Variants in NRXN1 observed in about 807,000 individuals in gnomAD.
NRXN1 encodes the protein neurexin-1.
Under a neutral mutation model 150.9 loss-of-function variants are expected in NRXN1, and 39 were observed. The ratio of observed to expected loss-of-function variants is 0.26; its 90% CI spans 0.20 to 0.34. The LOEUF (loss-of-function observed/expected upper bound fraction) is 0.34, where lower values mean the gene tolerates loss of function less well. Among genes scored for constraint, NRXN1 ranks in the 10% least tolerant of loss-of-function variants. NRXN1 has a pLI of 1.00. For missense variants in NRXN1, 1,815 were observed against 1,949.9 expected, an observed-to-expected ratio of 0.93 and a Z score of 1.30; for synonymous variants, 924 against 757.0, an observed-to-expected ratio of 1.22 and a Z score of -3.62.
At chr2:50,598,668 A>ATATATG (rs1491398831) in intron 8 of NRXN1, among the ~76,000 whole-genome samples, 1 of 147,560 alleles carries the variant, frequency 6.8e-6, no homozygotes, top group South Asian at 2.1e-4. Context: ...ATATATATTC[A>ATATATG]TATATATGTG....
At chr2:50,374,234 G>A (rs1314365962) in intron 17 of NRXN1, among the ~76,000 whole-genome samples, 1 of 151,524 alleles carries the variant, frequency 6.6e-6, no homozygotes, top group Admixed American at 6.6e-5. Flanking sequence ...GAAGTTCAAG[G>A]CTGTAGTGAG....
At chr2:50,496,419 C>T (rs1193215380) in intron 14 of NRXN1, among the ~76,000 whole-genome samples, 2 of 152,204 alleles carry the variant, frequency 1.3e-5, no homozygotes, top group Admixed American at 6.5e-5. Flanking sequence ...CCTTTTCTAA[C>T]ACTTAAAATG....
intron 15 of NRXN1, among the ~76,000 whole-genome samples, chr2:50,472,795 T>G (rs1017807605): frequency 1.4e-5 from 2 of 138,564 alleles, no homozygotes; most frequent in African/African-American, 5.8e-5. Context: ...CCCTACAGCC[T>G]TGTGTGTGTG....
intron 17 of NRXN1, among the ~76,000 whole-genome samples, chr2:50,318,739 T>C (rs2075803132): frequency 6.6e-6 from 1 of 152,166 alleles, no homozygotes; most frequent in Admixed American, 6.6e-5. Flanking sequence ...CATTTACTGA[T>C]ACATGCATAT....
At chr2:50,626,953 A>G (rs181850991) in intron 5 of NRXN1, among the ~76,000 whole-genome samples, 187 of 152,014 alleles carry the variant, frequency 1.2e-3, no homozygotes, top group Non-Finnish European at 2.0e-3. Flanking sequence ...TCATGGAAAA[A>G]CAGATATGTA....
chr2:50,073,921 T>C (rs1030521428), intron 19 of NRXN1, among the ~76,000 whole-genome samples: 1 of 152,218 alleles, frequency 6.6e-6, no homozygotes, highest in African/African-American at 2.4e-5. Flanking sequence ...TGGTACTTAA[T>C]AGAGTTTATG....
At chr2:50,610,937 G>C (rs1678013308) in intron 8 of NRXN1, among the ~76,000 whole-genome samples, 1 of 149,686 alleles carries the variant, frequency 6.7e-6, no homozygotes, top group South Asian at 2.1e-4. Flanking sequence ...ATAGAGATGG[G>C]ATTTCACCAT....
intron 5 of NRXN1, among the ~76,000 whole-genome samples, chr2:50,691,762 C>T (rs921177752): frequency 6.6e-5 from 10 of 152,058 alleles, no homozygotes; most frequent in Admixed American, 2.6e-4. Flanking sequence ...CTTCTTGTGG[C>T]CATAACAACC....
intron 21 of NRXN1, among the ~76,000 whole-genome samples, chr2:49,960,417 T>C (rs1011774126): frequency 1.3e-5 from 2 of 152,216 alleles, no homozygotes; most frequent in African/African-American, 4.8e-5. Flanking sequence ...TAAGAGAAGC[T>C]GTACACATAA....
intron 5 of NRXN1, among the ~76,000 whole-genome samples, chr2:50,659,248 T>C (rs1003527376): frequency 1.3e-5 from 2 of 152,066 alleles, no homozygotes; most frequent in Admixed American, 1.3e-4. Flanking sequence ...TTTTATGCAG[T>C]AAACTAGTTC....
intron 21 of NRXN1, among the ~76,000 whole-genome samples, chr2:49,983,094 C>A (rs965333764): frequency 6.6e-6 from 1 of 152,132 alleles, no homozygotes; most frequent in Non-Finnish European, 1.5e-5. Context: ...CTTTCCAAAT[C>A]CTCTAGGAAG....
At chr2:50,261,117 CTCTT>C (rs2068226031) in intron 17 of NRXN1, among the ~76,000 whole-genome samples, 1 of 151,724 alleles carries the variant, frequency 6.6e-6, no homozygotes. Flanking sequence ...AAACTATTAA[CTCTT>C]TCTTCTAAAT....
intron 21 of NRXN1, among the ~76,000 whole-genome samples, chr2:50,003,339 C>G (rs1268918963): frequency 6.6e-6 from 1 of 152,036 alleles, no homozygotes; most frequent in East Asian, 1.9e-4. Flanking sequence ...TTTGGTTATT[C>G]TTGTTAAGTA....
chr2:50,960,008 G>C (rs995617821), intron 2 of NRXN1, among the ~76,000 whole-genome samples: 3 of 151,910 alleles, frequency 2.0e-5, no homozygotes, highest in South Asian at 4.2e-4. Flanking sequence ...AAAATTCTCC[G>C]ATGTTGAAAT....
chr2:50,493,424 C>G (rs1410965805), intron 15 of NRXN1, among the ~76,000 whole-genome samples: 1 of 152,174 alleles, frequency 6.6e-6, no homozygotes, highest in Non-Finnish European at 1.5e-5. Context: ...CTCCACAGCA[C>G]CTAAAAGTGC....
At chr2:50,834,731 A>G (rs1330905729) in intron 5 of NRXN1, among the ~76,000 whole-genome samples, 1 of 152,120 alleles carries the variant, frequency 6.6e-6, no homozygotes, top group Non-Finnish European at 1.5e-5. Context: ...TATATTACAT[A>G]TATCTCTGTG....
chr2:50,591,030 T>C (rs570861803), intron 8 of NRXN1, among the ~76,000 whole-genome samples: 1 of 152,272 alleles, frequency 6.6e-6, no homozygotes, highest in African/African-American at 2.4e-5. Flanking sequence ...AACGTAGTGG[T>C]TGACAAAATA....
chr2:51,007,956 T>C (rs531505774), intron 2 of NRXN1, among the ~76,000 whole-genome samples: 1 of 151,938 alleles, frequency 6.6e-6, no homozygotes, highest in South Asian at 2.1e-4. Context: ...TTGCACAGAA[T>C]AGAAGGAAAA....
chr2:50,335,310 GGCTAAGGTATAC>G (rs2077108492), intron 17 of NRXN1, among the ~76,000 whole-genome samples: 1 of 152,106 alleles, frequency 6.6e-6, no homozygotes, highest in African/African-American at 2.4e-5. Flanking sequence ...CTTAGCATTT[GGCTAAGGTATAC>G]GCATCAAAAT....
Sources: allele counts gnomAD v4.1 joint callset (sites outside exome capture counted in the v4.1 genomes callset), GRCh38; gene constraint gnomAD v4.1.1; transcripts MANE v1.5; gene names NCBI Gene and HGNC (gene_info 2026-07-23, HGNC 2026-07-21).